Variants in PRRC2C observed in about 807,000 individuals in gnomAD.
PRRC2C encodes the protein proline rich coiled-coil 2C.
In PRRC2C, 72 loss-of-function variants were observed where a neutral mutation model predicts 317.2. The ratio of observed to expected loss-of-function variants is 0.23; its 90% CI spans 0.19 to 0.28. The LOEUF is 0.28. Ranked by LOEUF, PRRC2C falls within the 10% of genes least tolerant of loss-of-function variation. The probability of loss-of-function intolerance (pLI) is 1.00; values close to 1 mark genes in which losing one functional copy is unlikely to be tolerated. For synonymous variants in PRRC2C, 1,296 were observed against 1,205.9 expected (o/e 1.07, Z -1.55); for missense variants, 3,074 against 3,459.7 (o/e 0.89, Z 2.80).
chr1:171,506,142 C>T (rs1039498191), intron 1 of PRRC2C, among the ~76,000 whole-genome samples: 1 of 152,182 alleles, frequency 6.6e-6, no homozygotes, highest in Non-Finnish European at 1.5e-5. Context: ...AGTGATCTGT[C>T]CACCTTAGCC....
At chr1:171,501,599 C>T (rs1669128644) in intron 1 of PRRC2C, among the ~76,000 whole-genome samples, 1 of 152,198 alleles carries the variant, frequency 6.6e-6, no homozygotes, top group African/African-American at 2.4e-5. Flanking sequence ...GGCTGATCCT[C>T]TGCCCTTAAT....
intron 1 of PRRC2C, among the ~76,000 whole-genome samples, chr1:171,504,943 G>A (rs1669894436): frequency 6.6e-6 from 1 of 151,822 alleles, no homozygotes; most frequent in African/African-American, 2.4e-5. Context: ...TGCCATGTTT[G>A]TGTAGCTTTT....
intron 28 of PRRC2C, among the ~76,000 whole-genome samples, chr1:171,581,505 G>A (rs1648589999): frequency 6.6e-6 from 1 of 152,068 alleles, no homozygotes; most frequent in Non-Finnish European, 1.5e-5. Context: ...GACCAGACGT[G>A]GTCAATAGAA....
intron 23 of PRRC2C, among the ~76,000 whole-genome samples, chr1:171,569,526 T>C (rs1330317343): frequency 5.7e-5 from 8 of 140,716 alleles, no homozygotes; most frequent in African/African-American, 1.5e-4. Context: ...TTAATGTGAT[T>C]TGTTCAACTT....
chr1:171,567,284 T>C (rs1444769756), intron 22 of PRRC2C, among the ~76,000 whole-genome samples: 1 of 152,150 alleles, frequency 6.6e-6, no homozygotes, highest in Non-Finnish European at 1.5e-5. Context: ...GGTTGAACAC[T>C]GGAGGCTGTT....
chr1:171,545,220 T>A (rs1678843279), intron 16 of PRRC2C, among the ~76,000 whole-genome samples: 1 of 152,204 alleles, frequency 6.6e-6, no homozygotes, highest in African/African-American at 2.4e-5. Flanking sequence ...AAATAGACTC[T>A]AAGAACTTCT....
rs147784836 is a variant in PRRC2C at position 171,537,363 on chromosome 1, C to T, written c.2394C>T (p.His798=). Residue 798 remains histidine (H), a synonymous_variant, in exon 15 of 35, where the codon CAC becomes CAT. Coordinates refer to ENST00000647382, the MANE Select transcript of PRRC2C (RefSeq NM_001387844.1). ...ATATAGCTCGATCTGCAAGAGATCA[C>T]GCAATTTCCCTTTCTGAGCCTCGTA... ...FEHIARSARD[H]AISLSEPRML... 4.5e-5 allele frequency: 71 copies of T among 1,592,318 alleles called. No individual in the cohort carries two copies. The Middle Eastern group carries it at 6.6e-4, about 15-fold the overall frequency.
chr1:171,542,212 A>G lies in PRRC2C; in HGVS notation c.4746A>G (p.Ser1582=). The stretch of plus-strand genomic sequence containing the variant: ...ATGAAAGGAGAAGTGGCCCACCATC[A>G]AAAAGTGGGAAGAGAGGGTGAGTAC... ...PRNERRSGPP[S]KSGKRGPFDD... Residue 1582 remains serine, a synonymous_variant, in exon 16 of 35, where the codon TCA becomes TCG. Coordinates refer to ENST00000647382, the MANE Select transcript of PRRC2C (RefSeq NM_001387844.1). The G allele has an allele frequency of 1.3e-6, 2 of 1,557,804 alleles. No homozygotes were observed. The highest frequency in any genetic ancestry group is 8.7e-7 in the Non-Finnish European group (1 of 1,155,950).
intron 29 of PRRC2C, 31 bp from the exon 30 acceptor site, chr1:171,584,388 T>TA (rs1331049823): frequency 3.9e-6 from 6 of 1,521,042 alleles, no homozygotes; most frequent in Non-Finnish European, 2.6e-6. Flanking sequence ...TTTTCAGTCT[T>TA]ACTCATGTTT....
intron 19 of PRRC2C, among the ~76,000 whole-genome samples, chr1:171,559,625 A>G (rs535554825): frequency 4.1e-5 from 6 of 144,974 alleles, no homozygotes; most frequent in African/African-American, 1.5e-4. Context: ...GGATTCAAGC[A>G]ATTCCCCTGC....
At chr1:171,565,699 G>A (rs1360513002) in intron 20 of PRRC2C, among the ~76,000 whole-genome samples, 1 of 152,152 alleles carries the variant, frequency 6.6e-6, no homozygotes, top group African/African-American at 2.4e-5. Context: ...GCCCACCTAG[G>A]CCTCCCAGAG....
In PRRC2C at chr1:171,540,326, A is replaced by G. The variant is rs770555436; in HGVS notation, c.2860A>G (p.Arg954Gly). ...PSAGIPKVTSRCIDSKEPIER... is the reference protein window; with the variant it reads ...PSAGIPKVTSGCIDSKEPIER... ...TGCAGGCATTCCTAAAGTAACCAGC[A>G]GATGCATTGATTCAAAAGAACCAAT... Residue 954 changes from arginine to glycine, a missense_variant, in exon 16 of 35, where the codon AGA becomes GGA. Around this residue, in one of 11 missense-constraint regions of PRRC2C, gnomAD observed 1,320 missense variants for 1,395.7 expected, o/e 0.95. Coordinates refer to ENST00000647382, the MANE Select transcript of PRRC2C (RefSeq NM_001387844.1). 1.9e-6 allele frequency: 3 copies of G among 1,613,632 alleles called. No individual in the cohort carries two copies. The East Asian group carries it at 6.7e-5, about 36-fold the overall frequency.
At chr1:171,575,435 A>G (rs1486398991) in intron 25 of PRRC2C, among the ~76,000 whole-genome samples, 1 of 152,220 alleles carries the variant, frequency 6.6e-6, no homozygotes, top group Non-Finnish European at 1.5e-5. Context: ...ATGTTTGACA[A>G]TCTGTATCTA....
At chr1:171,515,459 AAG>A (rs1430242253) in intron 4 of PRRC2C, among the ~76,000 whole-genome samples, 7 of 152,212 alleles carry the variant, frequency 4.6e-5, no homozygotes, top group Non-Finnish European at 1.0e-4. Flanking sequence ...GTCATAATGA[AAG>A]AGAAACAAGC....
chr1:171,585,651 T>A (rs1454009129), intron 30 of PRRC2C, among the ~76,000 whole-genome samples: 1 of 152,210 alleles, frequency 6.6e-6, no homozygotes, highest in East Asian at 1.9e-4. Flanking sequence ...GAATACTGCT[T>A]ATATTGTGTC....
chr1:171,552,376 G>GTT lies in PRRC2C; in HGVS notation c.5127+2139_5127+2140dup, dbSNP rs1680423206. ...GGAGATTTTGGGCTGAGACGATGGG[G>GTT]TTTTCTAAATATACAGTCATGTCAT... On this transcript the variant is annotated intron_variant, in intron 18 of 34. Coordinates refer to ENST00000647382, the MANE Select transcript of PRRC2C (RefSeq NM_001387844.1). Among the ~76,000 whole-genome samples the GTT allele has an allele frequency of 2.6e-5, 4 of 152,242 alleles. No individual in the cohort carries two copies. In the South Asian group the frequency reaches 8.3e-4, roughly 32 times the overall value.
At chr1:171,577,950 C>CTTTTT (rs59582313) in intron 26 of PRRC2C, among the ~76,000 whole-genome samples, 4 of 103,760 alleles carry the variant, frequency 3.9e-5, no homozygotes, top group African/African-American at 1.5e-4. Context: ...GCTAATTTTT[C>CTTTTT]TTTTTTTTTT....
chr1:171,548,624 C>T (rs1393273099), intron 17 of PRRC2C, among the ~76,000 whole-genome samples: 1 of 152,140 alleles, frequency 6.6e-6, no homozygotes, highest in Non-Finnish European at 1.5e-5. Context: ...TAAAAAATTA[C>T]ATCACCTGAG....
intron 6 of PRRC2C, among the ~76,000 whole-genome samples, chr1:171,519,372 C>T (rs1016129000): frequency 2.6e-5 from 4 of 152,144 alleles, no homozygotes; most frequent in Admixed American, 2.0e-4. Context: ...TAATTAGGAT[C>T]CAGGCAACAT....
Sources: gnomAD v4.1 joint callset for allele counts (sites outside exome capture counted in the v4.1 genomes callset) on GRCh38, gnomAD v4.1.1 for gene constraint, gnomAD v4.1.1 regional missense constraint, MANE v1.5 for transcripts, NCBI Gene and HGNC (gene_info 2026-07-23, HGNC 2026-07-21) for gene names.